CECR2: variants seen among roughly 807,000 people sequenced by gnomAD.
The protein encoded by CECR2 is chromatin remodeling regulator CECR2.
In CECR2, 30 loss-of-function variants were observed where a neutral mutation model predicts 154.5. The observed-to-expected ratio is 0.19, with a 90% confidence interval of 0.15 to 0.26. CECR2 has a LOEUF of 0.26. Ranked by LOEUF, CECR2 falls within the 10% of genes least tolerant of loss-of-function variation. The pLI is 1.00. For missense variants in CECR2, 1,743 were observed against 1,829.3 expected, an observed-to-expected ratio of 0.95 and a Z score of 0.86; for synonymous variants, 725 against 683.7, an observed-to-expected ratio of 1.06 and a Z score of -0.94.
chr22:17,369,273 C>G (rs1336700351), upstream of CECR2: 1 of 151,418 alleles, frequency 6.6e-6, no homozygotes, highest in Non-Finnish European at 1.5e-5. Flanking sequence ...CGGCCCGCGC[C>G]CCCTGGGTCC....
chr22:17,370,503 A>T (rs2063045808), intron 1 of CECR2, among the ~76,000 whole-genome samples: 1 of 151,990 alleles, frequency 6.6e-6, no homozygotes, highest in Admixed American at 6.5e-5. Flanking sequence ...GGGGCTCTGG[A>T]GGTGTGGAAG....
At chr22:17,401,793 G>A (rs2053896190) in intron 1 of CECR2, among the ~76,000 whole-genome samples, 1 of 151,516 alleles carries the variant, frequency 6.6e-6, no homozygotes, top group Non-Finnish European at 1.5e-5. Flanking sequence ...CCTGTAAGTA[G>A]AATGACTGGG....
intron 1 of CECR2, among the ~76,000 whole-genome samples, chr22:17,414,693 T>C (rs1246428971): frequency 1.4e-5 from 2 of 143,924 alleles, no homozygotes; most frequent in East Asian, 2.4e-4. Flanking sequence ...GGCCCTGGTG[T>C]GTGATGTTCC....
chr22:17,380,482 A>G (rs749335129), intron 1 of CECR2, among the ~76,000 whole-genome samples: 12 of 152,226 alleles, frequency 7.9e-5, no homozygotes, highest in Admixed American at 2.0e-4. Flanking sequence ...TTGGTTCTAC[A>G]GCCCAGACTC....
chr22:17,379,342 C>T (rs2063157801), intron 1 of CECR2, among the ~76,000 whole-genome samples: 1 of 152,138 alleles, frequency 6.6e-6, no homozygotes, highest in African/African-American at 2.4e-5. Flanking sequence ...GTGAAGCTAA[C>T]TGAGGCTGAT....
intron 1 of CECR2, among the ~76,000 whole-genome samples, chr22:17,455,839 G>A (rs1175049009): frequency 4.6e-5 from 7 of 152,144 alleles, no homozygotes; most frequent in Admixed American, 4.6e-4. Context: ...TCGAACTTCT[G>A]ACCTCAGGTG....
chr22:17,537,932 T>TG (rs2056462200), intron 10 of CECR2, among the ~76,000 whole-genome samples: 1 of 150,938 alleles, frequency 6.6e-6, no homozygotes, highest in African/African-American at 2.4e-5. Flanking sequence ...AGGTGGGGGT[T>TG]GCAGTGAGCT....
intron 1 of CECR2, among the ~76,000 whole-genome samples, chr22:17,471,189 G>A (rs879297512): frequency 3.3e-5 from 5 of 152,102 alleles, no homozygotes; most frequent in African/African-American, 4.8e-5. Flanking sequence ...GCCACACACC[G>A]TGGAACCCAG....
chr22:17,537,369 C>T (rs1002563913), intron 10 of CECR2, 137 bp downstream of exon 10: 5 of 990,264 alleles, frequency 5.0e-6, no homozygotes, highest in Non-Finnish European at 6.0e-6. Context: ...CAGGGCGGGC[C>T]CTGCACACAC....
intron 1 of CECR2, among the ~76,000 whole-genome samples, chr22:17,373,347 A>G (rs1341164977): frequency 6.6e-6 from 1 of 152,240 alleles, no homozygotes; most frequent in Non-Finnish European, 1.5e-5. Flanking sequence ...TGCCAAGTAT[A>G]TAATAGTAAT....
At chr22:17,412,852 G>T (rs2054087698) in intron 1 of CECR2, among the ~76,000 whole-genome samples, 1 of 152,136 alleles carries the variant, frequency 6.6e-6, no homozygotes, top group Non-Finnish European at 1.5e-5. Flanking sequence ...CTTTCTCGTG[G>T]CAGTGCGGGT....
At chr22:17,495,887 G>T (rs927545918) in intron 2 of CECR2, among the ~76,000 whole-genome samples, 2 of 132,368 alleles carry the variant, frequency 1.5e-5, no homozygotes, top group Non-Finnish European at 3.4e-5. Context: ...AAAAAAAAAG[G>T]TATTTACACC....
At chr22:17,500,294 T>C (rs2055713617) in intron 4 of CECR2, among the ~76,000 whole-genome samples, 1 of 152,052 alleles carries the variant, frequency 6.6e-6, no homozygotes, top group South Asian at 2.1e-4. Flanking sequence ...ATTTAAATGA[T>C]GCCTGAAACA....
At chr22:17,422,768 C>CT (rs1239811887) in intron 1 of CECR2, among the ~76,000 whole-genome samples, 5 of 150,330 alleles carry the variant, frequency 3.3e-5, no homozygotes, top group African/African-American at 1.2e-4. Flanking sequence ...AGAGATTATT[C>CT]TTTTTTTCAG....
At chr22:17,441,150 T>A (rs2054579332) in intron 1 of CECR2, among the ~76,000 whole-genome samples, 2 of 152,212 alleles carry the variant, frequency 1.3e-5, no homozygotes, top group Non-Finnish European at 1.5e-5. Flanking sequence ...GGTTTCACCA[T>A]GTTGGCCAGG....
At chr22:17,428,762 G>A (rs1432015538) in intron 1 of CECR2, among the ~76,000 whole-genome samples, 1 of 150,646 alleles carries the variant, frequency 6.6e-6, no homozygotes, top group Non-Finnish European at 1.5e-5. Flanking sequence ...ACAGGTGTGA[G>A]CTACTGCACC....
intron 1 of CECR2, among the ~76,000 whole-genome samples, chr22:17,402,264 C>T (rs568111384): frequency 2.6e-5 from 4 of 152,240 alleles, no homozygotes; most frequent in East Asian, 1.9e-4. Context: ...GGATGACAGG[C>T]GTGAGCCACT....
intron 9 of CECR2, among the ~76,000 whole-genome samples, chr22:17,527,652 A>G (rs937172644): frequency 7.9e-5 from 12 of 151,962 alleles, no homozygotes; most frequent in African/African-American, 1.5e-4. Flanking sequence ...CTGTAATCCC[A>G]GCTACTCAGG....
At chr22:17,431,349 A>G (rs1477655026) in intron 1 of CECR2, among the ~76,000 whole-genome samples, 5 of 152,214 alleles carry the variant, frequency 3.3e-5, no homozygotes, top group African/African-American at 1.2e-4. Context: ...TCACCTCACA[A>G]GGTTGATGGG....
Sources: allele counts gnomAD v4.1 joint callset (sites outside exome capture counted in the v4.1 genomes callset), GRCh38; gene constraint gnomAD v4.1.1; transcripts MANE v1.5; gene names NCBI Gene and HGNC (gene_info 2026-07-23, HGNC 2026-07-21).